DGKB: variants seen among roughly 807,000 people sequenced by gnomAD.
DGKB encodes the protein diacylglycerol kinase beta.
Under a neutral mutation model 114.3 loss-of-function variants are expected in DGKB, and 67 were observed. That is an observed-to-expected ratio of 0.59 (90% CI 0.48 to 0.72). The LOEUF (loss-of-function observed/expected upper bound fraction) is 0.72, where lower values mean the gene tolerates loss of function less well. DGKB is among the 30% of genes least tolerant of loss of function. The probability of loss-of-function intolerance (pLI) is 0.00; values close to 1 mark genes in which losing one functional copy is unlikely to be tolerated. For missense variants in DGKB, 907 were observed against 975.2 expected (o/e 0.93, Z 0.93); for synonymous variants, 398 against 323.1 (o/e 1.23, Z -2.49).
chr7:14,889,204 A>G (rs1780787158), intron 1 of DGKB, among the ~76,000 whole-genome samples: 1 of 151,710 alleles, frequency 6.6e-6, no homozygotes, highest in African/African-American at 2.4e-5. Context: ...TAAGAATGCA[A>G]GTGAATAGAT....
At chr7:14,469,025 T>G (rs552024190) in intron 21 of DGKB, among the ~76,000 whole-genome samples, 1 of 152,186 alleles carries the variant, frequency 6.6e-6, no homozygotes, top group South Asian at 2.1e-4. Flanking sequence ...GAAATAAATA[T>G]TTCTGTTTTA....
At chr7:14,600,745 A>C (rs1230139570) in intron 17 of DGKB, among the ~76,000 whole-genome samples, 2 of 152,200 alleles carry the variant, frequency 1.3e-5, no homozygotes, top group Non-Finnish European at 2.9e-5. Flanking sequence ...GGAATAACAA[A>C]AACCAAAAAA....
At chr7:14,400,606 A>T (rs1167300611) in intron 21 of DGKB, among the ~76,000 whole-genome samples, 2 of 151,618 alleles carry the variant, frequency 1.3e-5, no homozygotes, top group East Asian at 3.9e-4. Context: ...TATTTCCAGT[A>T]TTTAATGGAG....
chr7:14,653,827 C>T (rs977104291), intron 13 of DGKB, among the ~76,000 whole-genome samples: 2 of 152,006 alleles, frequency 1.3e-5, no homozygotes, highest in African/African-American at 4.8e-5. Context: ...AAATCTTCAT[C>T]CTAAAATTTC....
At chr7:14,230,256 T>A (rs972688489) in intron 23 of DGKB, among the ~76,000 whole-genome samples, 10 of 152,068 alleles carry the variant, frequency 6.6e-5, no homozygotes, top group African/African-American at 2.4e-4. Context: ...TTATTCCATA[T>A]GATTTCTCTT....
At chr7:14,209,892 C>T (rs1236527900) in intron 23 of DGKB, among the ~76,000 whole-genome samples, 1 of 113,534 alleles carries the variant, frequency 8.8e-6, no homozygotes, top group Non-Finnish European at 1.6e-5. Context: ...CACCCTATGG[C>T]TGTCTTTTTT....
intron 2 of DGKB, among the ~76,000 whole-genome samples, chr7:14,840,699 AACACAC>A (rs57577998): frequency 0.23 from 30,126 of 129,980 alleles, 3,226 homozygotes; most frequent in East Asian, 0.36. Flanking sequence ...ACTCTCTTTT[AACACAC>A]ACACACACAC....
chr7:14,825,382 T>C (rs908670968), intron 2 of DGKB, among the ~76,000 whole-genome samples: 4 of 152,154 alleles, frequency 2.6e-5, no homozygotes, highest in South Asian at 2.1e-4. Flanking sequence ...CTCACCATAA[T>C]ATAGAATCAG....
chr7:14,889,040 C>T (rs170094), intron 1 of DGKB, among the ~76,000 whole-genome samples: 84,292 of 151,260 alleles, frequency 0.56, 24,575 homozygotes, highest in Non-Finnish European at 0.61. Flanking sequence ...AGTGCAGGAG[C>T]CAGTCCACAA....
chr7:14,396,873 T>C (rs1283305511), intron 21 of DGKB, among the ~76,000 whole-genome samples: 1 of 152,192 alleles, frequency 6.6e-6, no homozygotes, highest in Non-Finnish European at 1.5e-5. Context: ...GAATAGTTGC[T>C]GTAGTCTCTG....
At chr7:14,460,431 A>G (rs1231571861) in intron 21 of DGKB, among the ~76,000 whole-genome samples, 1 of 151,416 alleles carries the variant, frequency 6.6e-6, no homozygotes, top group Admixed American at 6.6e-5. Context: ...AAAGCAAAGA[A>G]AAAAAAAACC....
chr7:14,845,633 T>C (rs1379000159), intron 1 of DGKB, among the ~76,000 whole-genome samples: 1 of 124,080 alleles, frequency 8.1e-6, no homozygotes, highest in Non-Finnish European at 1.7e-5. Context: ...TAGTCTCAGG[T>C]CAATGAATAT....
chr7:14,652,469 C>T (rs1814763929), intron 13 of DGKB, among the ~76,000 whole-genome samples: 1 of 151,950 alleles, frequency 6.6e-6, no homozygotes, highest in Non-Finnish European at 1.5e-5. Context: ...GAAACTGGAT[C>T]CCTTCCTTAC....
intron 13 of DGKB, among the ~76,000 whole-genome samples, chr7:14,645,813 A>G (rs1199928806): frequency 1.3e-5 from 2 of 152,162 alleles, no homozygotes; most frequent in Non-Finnish European, 2.9e-5. Context: ...TCATCACCAG[A>G]CTGGATATAC....
chr7:14,592,888 A>T (rs895306351), intron 17 of DGKB, among the ~76,000 whole-genome samples: 5 of 151,928 alleles, frequency 3.3e-5, no homozygotes, highest in African/African-American at 1.2e-4. Context: ...TCAACAATAC[A>T]TTATAAAATT....
chr7:14,614,527 T>C (rs2128800235), intron 15 of DGKB, among the ~76,000 whole-genome samples: 1 of 152,186 alleles, frequency 6.6e-6, no homozygotes, highest in Non-Finnish European at 1.5e-5. Flanking sequence ...CCCTAGAAAG[T>C]AGTCTTAAAT....
chr7:14,747,962 C>G (rs940461406), intron 4 of DGKB, among the ~76,000 whole-genome samples: 3 of 152,130 alleles, frequency 2.0e-5, no homozygotes, highest in African/African-American at 7.2e-5. Flanking sequence ...TTTCTATATG[C>G]CTTTCATTAT....
Position 14,147,369 on chromosome 7 carries a change from A to G in DGKB, c.*1762T>C, listed in dbSNP as rs968404657. On this transcript the variant is annotated 3_prime_UTR_variant, in exon 26 of 26. Transcript: ENST00000402815. ...GTAATTAAGCTTATTGTTGATTGAT[A>G]TTTACCGTCCAATGTTCCAGGAACA... 1.3e-5 allele frequency: 2 copies of G among 152,132 alleles called. No homozygotes were observed. The highest frequency in any genetic ancestry group is 2.9e-5 in the Non-Finnish European group (2 of 67,988). 9.4% of individuals were successfully genotyped at this position (152,132 alleles called of 1,614,324 possible).
At chr7:14,814,292 C>T (rs1279999870) in intron 2 of DGKB, 1 of 152,134 alleles carries the variant, frequency 6.6e-6, no homozygotes, top group African/African-American at 2.4e-5. Flanking sequence ...ATTACAACCA[C>T]TTTATTACCA....
Sources: allele counts gnomAD v4.1 joint callset (sites outside exome capture counted in the v4.1 genomes callset), GRCh38; gene constraint gnomAD v4.1.1; transcripts MANE v1.5; gene names NCBI Gene and HGNC (gene_info 2026-07-23, HGNC 2026-07-21).